The following TENM3 variants were observed in gnomAD, a reference collection of about 807,000 sequenced individuals.
The protein encoded by TENM3 is teneurin transmembrane protein 3, also known as teneurin-3.
Under a neutral mutation model 255.1 loss-of-function variants are expected in TENM3, and 63 were observed. That is an observed-to-expected ratio of 0.25 (90% CI 0.20 to 0.30). TENM3 has a LOEUF of 0.30. Ranked by LOEUF, TENM3 falls within the 10% of genes least tolerant of loss-of-function variation. TENM3 has a pLI of 1.00. For synonymous variants in TENM3, 1,306 were observed against 1,322.3 expected (o/e 0.99, Z 0.27); for missense variants, 2,929 against 3,461.1 (o/e 0.85, Z 3.86).
intron 3 of TENM3, among the ~76,000 whole-genome samples, chr4:182,408,065 A>G (rs1316381727): frequency 1.3e-5 from 2 of 152,196 alleles, no homozygotes; most frequent in Non-Finnish European, 2.9e-5. Context: ...CTCTTACTAC[A>G]AGCCATCCAG....
chr4:181,565,077 T>C, the TENM3 span, among the ~76,000 whole-genome samples: 1 of 152,262 alleles, frequency 6.6e-6, no homozygotes, highest in African/African-American at 2.4e-5. Context: ...TGTGAATATG[T>C]CACTTTGTAA....
chr4:181,473,691 A>G, the TENM3 span, among the ~76,000 whole-genome samples: 12 of 150,298 alleles, frequency 8.0e-5, no homozygotes, highest in South Asian at 2.5e-3. Context: ...AGACATGCCT[A>G]TGGGTTGCCC....
chr4:181,663,808 T>G, the TENM3 span, among the ~76,000 whole-genome samples: 1 of 152,216 alleles, frequency 6.6e-6, no homozygotes, highest in Non-Finnish European at 1.5e-5. Context: ...GACAGCCCTT[T>G]CTCAGCTTCC....
rs532939299 is a variant in TENM3 at position 182,380,085 on chromosome 4, A to G, written c.511+33156A>G. On this transcript the variant is annotated intron_variant, in intron 3 of 27. Coordinates refer to ENST00000511685, the MANE Select transcript of TENM3 (RefSeq NM_001080477.4). The stretch of plus-strand genomic sequence containing the variant: ...GGAGTTCGAGACCAGCCTGGACAAC[A>G]TGACGAAACCCTGTCTCTACTAAAA... Among the ~76,000 whole-genome samples the G allele has an allele frequency of 6.6e-5, 10 of 152,244 alleles. No individual in the cohort carries two copies. In the South Asian group the frequency reaches 1.9e-3, roughly 28 times the overall value.
intron 12 of TENM3, among the ~76,000 whole-genome samples, chr4:182,712,779 A>G (rs1474877844): frequency 6.6e-6 from 1 of 152,248 alleles, no homozygotes; most frequent in Non-Finnish European, 1.5e-5. Context: ...CACCGGAGCA[A>G]TAGTAGCATT....
intron 4 of TENM3, among the ~76,000 whole-genome samples, chr4:182,604,166 G>C (rs1024513845): frequency 6.6e-6 from 1 of 152,104 alleles, no homozygotes; most frequent in African/African-American, 2.4e-5. Flanking sequence ...TTTAACATTT[G>C]CTCCTGCTGG....
intron 3 of TENM3, among the ~76,000 whole-genome samples, chr4:182,418,940 T>C (rs1207403349): frequency 6.6e-6 from 1 of 152,160 alleles, no homozygotes; most frequent in South Asian, 2.1e-4. Flanking sequence ...ACCTCAGATC[T>C]GCGGCACGTT....
chr4:181,981,951 A>G, the TENM3 span, among the ~76,000 whole-genome samples: 1 of 152,212 alleles, frequency 6.6e-6, no homozygotes, highest in Non-Finnish European at 1.5e-5. Flanking sequence ...AAGATAACCC[A>G]TAGCCTGGAA....
At chr4:182,785,664 C>T (rs1405438054) in intron 24 of TENM3, among the ~76,000 whole-genome samples, 1 of 134,566 alleles carries the variant, frequency 7.4e-6, no homozygotes, top group Non-Finnish European at 1.5e-5. Context: ...GCCAAGATCA[C>T]ACTATTGCTC....
At position 182,506,567 on chromosome 4, in the gene TENM3, A is replaced by T. The variant is rs551162236; in HGVS notation, c.512-94357A>T. Among the ~76,000 whole-genome samples the T allele has an allele frequency of 7.2e-4, 109 of 152,316 alleles. 1 individual carries two copies. Among genetic ancestry groups the T allele is most frequent in the African/African-American group, 2.5e-3 (104 of 41,562 alleles). On this transcript the variant is annotated intron_variant, in intron 3 of 27. Transcript: ENST00000511685. ...TATAATTTGTACATCTTGATCTTAT[A>T]TACTGTATTAAAATTAAAAAATAGT...
At chr4:182,276,481 C>A (rs932769384) in intron 1 of TENM3, among the ~76,000 whole-genome samples, 1 of 152,162 alleles carries the variant, frequency 6.6e-6, no homozygotes, top group Non-Finnish European at 1.5e-5. Context: ...GACTCGAATG[C>A]GAACCTGTCT....
At chr4:181,889,095 A>G in the TENM3 span, among the ~76,000 whole-genome samples, 2 of 152,110 alleles carry the variant, frequency 1.3e-5, no homozygotes, top group Non-Finnish European at 2.9e-5. Flanking sequence ...CTACACTTAC[A>G]TGGTGACATG....
chr4:181,776,351 T>C, the TENM3 span, among the ~76,000 whole-genome samples: 1 of 152,130 alleles, frequency 6.6e-6, no homozygotes, highest in African/African-American at 2.4e-5. Context: ...CCATATCTTT[T>C]CTATTGTGAA....
chr4:182,613,689 A>G (rs935545324), intron 4 of TENM3, among the ~76,000 whole-genome samples: 1 of 152,224 alleles, frequency 6.6e-6, no homozygotes, highest in Non-Finnish European at 1.5e-5. Context: ...GTTAACACAC[A>G]TAATGCTATA....
chr4:181,595,696 C>T, the TENM3 span, among the ~76,000 whole-genome samples: 9 of 152,134 alleles, frequency 5.9e-5, no homozygotes, highest in Non-Finnish European at 1.2e-4. Flanking sequence ...ACTTCCTCTT[C>T]AGACTTGTTC....
At chr4:182,403,985 G>A (rs1477936927) in intron 3 of TENM3, among the ~76,000 whole-genome samples, 1 of 152,210 alleles carries the variant, frequency 6.6e-6, no homozygotes, top group Non-Finnish European at 1.5e-5. Flanking sequence ...GCTTCCCGAA[G>A]TGCTGAGATT....
At chr4:182,087,087 A>G in the TENM3 span, among the ~76,000 whole-genome samples, 1 of 152,180 alleles carries the variant, frequency 6.6e-6, no homozygotes, top group Admixed American at 6.5e-5. Flanking sequence ...CTCACCAGAC[A>G]CAGATCTGGG....
At chr4:181,587,990 G>A in the TENM3 span, among the ~76,000 whole-genome samples, 67 of 152,262 alleles carry the variant, frequency 4.4e-4, no homozygotes, top group African/African-American at 1.6e-3. Context: ...GACGTTGATT[G>A]TGGGGGGCAG....
the TENM3 span, among the ~76,000 whole-genome samples, chr4:181,553,391 C>G: frequency 5.2e-4 from 78 of 151,422 alleles, no homozygotes; most frequent in South Asian, 0.016. Context: ...TATATCCAAG[C>G]ATGGTACTGG....
Sources: gnomAD v4.1 joint callset for allele counts (sites outside exome capture counted in the v4.1 genomes callset) on GRCh38, gnomAD v4.1.1 for gene constraint, MANE v1.5 for transcripts, NCBI Gene and HGNC (gene_info 2026-07-23, HGNC 2026-07-21) for gene names.